HSPA12B: variants seen among roughly 807,000 people sequenced by gnomAD.
HSPA12B encodes the protein heat shock protein family A (Hsp70) member 12B.
In HSPA12B, 54 loss-of-function variants were observed where a neutral mutation model predicts 69.3. The ratio of observed to expected loss-of-function variants is 0.78; its 90% confidence interval spans 0.63 to 0.98. The LOEUF is 0.98. HSPA12B is among the 50% of genes least tolerant of loss of function. HSPA12B has a pLI of 0.00. For missense variants in HSPA12B, 929 were observed against 999.8 expected (o/e 0.93, Z 0.96); for synonymous variants, 441 against 436.5 (o/e 1.01, Z -0.13).
intron 2 of HSPA12B, 146 bp downstream of exon 2, chr20:3,738,863 T>C: frequency 3.8e-6 from 3 of 791,860 alleles, no homozygotes; most frequent in Non-Finnish European, 4.2e-6. Context: ...TGTGTGCATG[T>C]GTGCAGGGCA....
rs746188452 is a variant in HSPA12B at position 3,745,038 on chromosome 20, C to T, written c.403C>T (p.Arg135Trp). ...YYHDLDPEEARDWLYFEKFKM... is the reference protein window; with the variant it reads ...YYHDLDPEEAWDWLYFEKFKM... ...CCATGACCTGGACCCCGAAGAGGCG[C>T]GGGACTGGCTCTACTTCGAGAAGTT... Residue 135 changes from arginine to tryptophan, a missense_variant, in exon 5 of 13, where the codon CGG becomes TGG. Physicochemically the swap from Arg to Trp is moderately radical, Grantham distance 101. Around this residue, in one of 3 missense-constraint regions of HSPA12B, gnomAD observed 477 missense variants for 535.2 expected, o/e 0.89. Transcript: ENST00000254963. This position sits in a 1 kb window ranked among gnomAD's most constrained non-coding sequence, Gnocchi z 5.6. The T allele has an allele frequency of 8.1e-6, 13 of 1,613,650 alleles. No homozygotes were observed. Among genetic ancestry groups the T allele is most frequent in the African/African-American group, 8.0e-5 (6 of 74,894 alleles).
At position 3,737,984 on chromosome 20, in the gene HSPA12B, C is replaced by A. The variant is rs1190281632; in HGVS notation, c.-17-674C>A. Reference sequence around the variant, plus strand: ...TGCCACTGCATTCCAGCCTGGGCAACAGAGTGAGACCCTGTCTCAGAAAAA... The same window carrying A: ...TGCCACTGCATTCCAGCCTGGGCAAAAGAGTGAGACCCTGTCTCAGAAAAA... On this transcript the variant is annotated intron_variant, in intron 1 of 12. Transcript: ENST00000254963. The surrounding 1 kb of genome is among the most constrained non-coding windows in gnomAD (Gnocchi z 4.1). 6.6e-6 allele frequency among the ~76,000 whole-genome samples: 1 copy of A among 152,190 alleles called. No homozygotes were observed. The highest frequency in any genetic ancestry group is 1.5e-5 in the Non-Finnish European group (1 of 68,046).
chr20:3,746,810 G>C (rs994307454), intron 7 of HSPA12B, among the ~76,000 whole-genome samples: 2 of 152,146 alleles, frequency 1.3e-5, no homozygotes, highest in South Asian at 2.1e-4. Flanking sequence ...CATCCGTATC[G>C]GTCTGTCACT....
intron 11 of HSPA12B, 52 bp downstream of exon 11, chr20:3,750,279 C>T (rs763595452): frequency 2.0e-6 from 3 of 1,518,354 alleles, no homozygotes; most frequent in Non-Finnish European, 2.7e-6. Context: ...CGGGAATGAC[C>T]GTGCACTGGA....
intron 1 of HSPA12B, among the ~76,000 whole-genome samples, chr20:3,738,328 G>C (rs1228441530): frequency 2.6e-5 from 4 of 152,342 alleles, no homozygotes; most frequent in African/African-American, 9.6e-5. Context: ...CTGGCACAGA[G>C]CAGGCACCAG....
At chr20:3,742,627 C>G (rs1260499012) in intron 4 of HSPA12B, among the ~76,000 whole-genome samples, 25 of 152,082 alleles carry the variant, frequency 1.6e-4, no homozygotes, top group Non-Finnish European at 2.9e-5. Context: ...AAAAGTCAGA[C>G]TTTGTTTTTA....
Position 3,752,245 on chromosome 20 carries a change from G to T in HSPA12B, c.*79G>T. The T allele has an allele frequency of 7.5e-7, 1 of 1,326,912 alleles. No individual in the cohort carries two copies. The highest frequency in any genetic ancestry group is 9.8e-7 in the Non-Finnish European group (1 of 1,016,990). 82.2% of individuals were successfully genotyped at this position (1,326,912 alleles called of 1,614,324 possible). On this transcript the variant is annotated 3_prime_UTR_variant, in exon 13 of 13. Transcript: ENST00000254963. ...TCAGGGGCCTGCGGAGCGGGTTGGG[G>T]CGGGGGAAACGATAGTTCTGCAGTC...
rs1485895899 is a variant in HSPA12B, at chr20:3,748,366, C to T, written c.825C>T (p.Arg275=). ...APGGGRLGER[R]SIDSSFRQAR... Reference sequence around the variant, plus strand: ...GTGGTGGGCGCCTGGGTGAGCGCCGCTCCATCGACTCCAGCTTCCGTCAGG... The same window carrying T: ...GTGGTGGGCGCCTGGGTGAGCGCCGTTCCATCGACTCCAGCTTCCGTCAGG... Residue 275 remains arginine (R), a synonymous_variant, in exon 8 of 13, where the codon CGC becomes CGT. Coordinates refer to ENST00000254963, the MANE Select transcript of HSPA12B (RefSeq NM_052970.5). The T allele has an allele frequency of 1.2e-6, 2 of 1,602,084 alleles. No homozygotes were observed. Among genetic ancestry groups the T allele is most frequent in the African/African-American group, 1.3e-5 (1 of 74,578 alleles).
chr20:3,751,669 A>G lies in HSPA12B; in HGVS notation c.1564A>G (p.Lys522Glu). The G allele has an allele frequency of 6.6e-7, 1 of 1,518,466 alleles. No individual in the cohort carries two copies. Among genetic ancestry groups the G allele is most frequent in the Non-Finnish European group, 8.8e-7 (1 of 1,137,938 alleles). 94.1% of individuals were successfully genotyped at this position (1,518,466 alleles called of 1,614,324 possible). The part of the protein sequence containing the change: ...VPHDVGLTIL[K>E]GAVLFGQAPG... The stretch of plus-strand genomic sequence containing the variant: ...GCACGACGTGGGCCTCACCATCCTC[A>G]AAGGCGCGGTGCTGTTCGGCCAGGC... Residue 522 changes from lysine to glutamate, a missense_variant, in exon 13 of 13, where the codon AAA (lysine) becomes GAA (glutamate). Physicochemically the swap from Lys to Glu is moderately conservative, Grantham distance 56. This residue lies in a region of HSPA12B where 448 missense variants were observed against 448.1 expected (regional missense o/e 1.00). Coordinates refer to ENST00000254963, the MANE Select transcript of HSPA12B (RefSeq NM_052970.5).
In HSPA12B at chr20:3,749,741, C is replaced by A; in HGVS notation, c.938-9C>A. On this transcript the variant is annotated splice_polypyrimidine_tract_variant and intron_variant, in intron 9 of 12. Coordinates refer to ENST00000254963, the MANE Select transcript of HSPA12B (RefSeq NM_052970.5). This position sits in a 1 kb window ranked among gnomAD's most constrained non-coding sequence, Gnocchi z 5.5. ...GCCCACGAGTGTGTGCCCGCGCTCG[C>A]CGCCGCAGGAGACCGCTACGTGGTG... is the stretch of plus-strand genomic sequence containing the variant. The A allele has an allele frequency of 6.4e-7, 1 of 1,572,834 alleles. No homozygotes were observed.
chr20:3,752,132 C>T lies in HSPA12B; in HGVS notation c.2027C>T (p.Ser676Phe). ...VTAVDVSTNR[S>F]VRASIDFLSN ...GCCGTCGACGTCAGCACCAATCGCT[C>T]CGTGCGCGCGTCCATCGACTTTCTT... Residue 676 changes from serine to phenylalanine, a missense_variant, in exon 13 of 13, where the codon TCC becomes TTC. This residue lies in a region of HSPA12B where 448 missense variants were observed against 448.1 expected (regional missense o/e 1.00). Coordinates refer to ENST00000254963, the MANE Select transcript of HSPA12B (RefSeq NM_052970.5). 6.8e-7 allele frequency: 1 copy of T among 1,480,772 alleles called. No individual in the cohort carries two copies. The highest frequency in any genetic ancestry group is 2.5e-5 in the East Asian group (1 of 40,460). The allele number at this position is 1,480,772 out of a possible 1,614,324, so 91.7% of individuals were successfully genotyped here. A position where few individuals can be genotyped will look rare whatever the true frequency, so the allele number is the denominator to read the frequency against.
At position 3,752,021 on chromosome 20, in the gene HSPA12B, G is replaced by A; in HGVS notation, c.1916G>A (p.Cys639Tyr). 2 of 1,564,704 alleles carry A rather than the reference G, an allele frequency of 1.3e-6. No homozygotes were observed. The highest frequency in any genetic ancestry group is 1.1e-5 in the South Asian group (1 of 87,796). ...AGCCTCGAGCTTGAGCCCGCCGACT[G>A]CGGCCAGGACACCGCCGGCGCGCCT... is the stretch of plus-strand genomic sequence containing the variant. Reference protein sequence around the residue: ...ALSLELEPADCGQDTAGAPPG... With the variant: ...ALSLELEPADYGQDTAGAPPG... Residue 639 changes from cysteine (C) to tyrosine (Y), a missense_variant, in exon 13 of 13, where the codon TGC becomes TAC. Coordinates refer to ENST00000254963, the MANE Select transcript of HSPA12B (RefSeq NM_052970.5).
At chr20:3,741,005 G>A in intron 3 of HSPA12B, 93 bp downstream of exon 3, 2 of 993,718 alleles carry the variant, frequency 2.0e-6, no homozygotes, top group Middle Eastern at 2.2e-4. Flanking sequence ...CAGCTAGGAA[G>A]GAGGAGGGGA....
Position 3,737,133 on chromosome 20 carries a change from T to C in HSPA12B, c.-17-1525T>C, listed in dbSNP as rs2146554580. Among the ~76,000 whole-genome samples the C allele has an allele frequency of 6.6e-6, 1 of 152,146 alleles. No individual in the cohort carries two copies. Among genetic ancestry groups the C allele is most frequent in the East Asian group, 1.9e-4 (1 of 5,170 alleles). Reference sequence around the variant, plus strand: ...GAAATACATGTTCTGATTCAGCAGGTCTGGGCTGGGGCCTGAGGTTCTGCA... The same window carrying C: ...GAAATACATGTTCTGATTCAGCAGGCCTGGGCTGGGGCCTGAGGTTCTGCA... On this transcript the variant is annotated intron_variant, in intron 1 of 12. Coordinates refer to ENST00000254963, the MANE Select transcript of HSPA12B (RefSeq NM_052970.5). The surrounding 1 kb of genome is among the most constrained non-coding windows in gnomAD (Gnocchi z 4.1).
At chr20:3,739,153 T>C (rs1302991649) in intron 2 of HSPA12B, among the ~76,000 whole-genome samples, 1 of 151,892 alleles carries the variant, frequency 6.6e-6, no homozygotes, top group African/African-American at 2.4e-5. Context: ...ACGGGATCTG[T>C]GTACGGGAGT....
intron 4 of HSPA12B, among the ~76,000 whole-genome samples, chr20:3,743,837 G>T (rs775298825): frequency 5.9e-5 from 9 of 151,302 alleles, no homozygotes; most frequent in Non-Finnish European, 1.2e-4. Context: ...TGATTCCTAG[G>T]TCCAACATCT....
intron 2 of HSPA12B, among the ~76,000 whole-genome samples, 176 bp downstream of exon 2, chr20:3,738,893 C>A (rs1445831159): frequency 6.6e-6 from 1 of 152,010 alleles, no homozygotes; most frequent in Non-Finnish European, 1.5e-5. Context: ...TTACTGGACC[C>A]CCCTGTGTGT....
intron 3 of HSPA12B, among the ~76,000 whole-genome samples, chr20:3,741,306 T>G (rs1194911991): frequency 1.0e-5 from 1 of 96,630 alleles, no homozygotes; most frequent in Admixed American, 1.2e-4. Flanking sequence ...AGAGGAGATG[T>G]GTTGCCAAAA....
rs1209200964 is a variant in HSPA12B at position 3,745,002 on chromosome 20, C to T, written c.367C>T (p.Arg123Cys). The T allele has an allele frequency of 6.2e-7, 1 of 1,613,934 alleles. No homozygotes were observed. The highest frequency in any genetic ancestry group is 1.3e-5 in the African/African-American group (1 of 74,936). Residue 123 changes from arginine to cysteine, a missense_variant, in exon 5 of 13, where the codon CGC becomes TGC. Coordinates refer to ENST00000254963, the MANE Select transcript of HSPA12B (RefSeq NM_052970.5). The surrounding 1 kb of genome is among the most constrained non-coding windows in gnomAD (Gnocchi z 5.6). The part of the protein sequence containing the change: ...GAFHSFGYTA[R>C]DYYHDLDPEE... ...CTTCCACAGCTTTGGCTACACCGCCCGCGATTACTACCATGACCTGGACCC... is the reference window on the plus strand; with the variant it reads ...CTTCCACAGCTTTGGCTACACCGCCTGCGATTACTACCATGACCTGGACCC...
Sources: gnomAD v4.1 joint callset for allele counts (sites outside exome capture counted in the v4.1 genomes callset) on GRCh38, gnomAD v4.1.1 for gene constraint, gnomAD v4.1.1 regional missense constraint, Gnocchi (gnomAD v3.1) non-coding constraint, MANE v1.5 for transcripts, NCBI Gene and HGNC (gene_info 2026-07-23, HGNC 2026-07-21) for gene names.